The following RNF214 variants were observed in gnomAD, a reference collection of about 807,000 sequenced individuals.
RNF214 encodes the protein ring finger protein 214.
Under a neutral mutation model 75.9 loss-of-function variants are expected in RNF214, and 25 were observed. That is an observed-to-expected ratio of 0.33 (90% CI 0.24 to 0.46). RNF214 has a LOEUF of 0.46. Ranked by LOEUF, RNF214 falls within the 20% of genes least tolerant of loss-of-function variation. The pLI is 1.00. For synonymous variants in RNF214, 314 were observed against 308.8 expected (o/e 1.02, Z -0.18); for missense variants, 725 against 857.5 (o/e 0.85, Z 1.93).
At position 117,282,762 on chromosome 11, in the gene RNF214, G is replaced by A. The variant is rs770446837; in HGVS notation, c.1862G>A (p.Arg621Gln). ...TACCTACAGCCACTTGGTCGCATCCGGGCCTTGTTCCCTGCTCCACTGGCC... is the reference window on the plus strand; with the variant it reads ...TACCTACAGCCACTTGGTCGCATCCAGGCCTTGTTCCCTGCTCCACTGGCC... ...AASTQPLGRIRALFPAPLAQI... is the reference protein window; with the variant it reads ...AASTQPLGRIQALFPAPLAQI... The change falls in exon 13 of 15, where the codon CGG becomes CAG. Residue 621 changes from arginine (R) to glutamine (Q), a missense_variant. By Grantham distance (43) the Arg-to-Gln change is conservative. Around this residue, in one of 2 missense-constraint regions of RNF214, gnomAD observed 363 missense variants for 513.0 expected, o/e 0.71. Transcript: ENST00000300650. 26 of 1,613,844 alleles carry A rather than the reference G, an allele frequency of 1.6e-5. No homozygotes were observed. Among genetic ancestry groups the A allele is most frequent in the East Asian group, 4.5e-5 (2 of 44,894 alleles).
intron 1 of RNF214, among the ~76,000 whole-genome samples, chr11:117,233,396 A>G (rs1161163019): frequency 3.3e-5 from 5 of 152,098 alleles, no homozygotes; most frequent in Non-Finnish European, 5.9e-5. Context: ...CCATCTACCT[A>G]TCTGCCCTAT....
chr11:117,242,862 ATAATC>A (rs1247026514), intron 4 of RNF214, among the ~76,000 whole-genome samples: 1 of 152,192 alleles, frequency 6.6e-6, no homozygotes, highest in Non-Finnish European at 1.5e-5. Flanking sequence ...TCAGAAAAGA[ATAATC>A]TACTGGTTTC....
At chr11:117,276,325 C>A (rs1018724664) in intron 6 of RNF214, among the ~76,000 whole-genome samples, 1 of 152,184 alleles carries the variant, frequency 6.6e-6, no homozygotes, top group Non-Finnish European at 1.5e-5. Context: ...AGAACTGGAA[C>A]AAGGCCGGGC....
chr11:117,269,396 C>T (rs1370458328), intron 6 of RNF214, among the ~76,000 whole-genome samples: 1 of 152,200 alleles, frequency 6.6e-6, no homozygotes, highest in Non-Finnish European at 1.5e-5. Context: ...AGGTCTCACT[C>T]TGTCACCCAG....
At chr11:117,279,865 T>C in intron 6 of RNF214, 43 bp from the exon 7 acceptor site, 2 of 1,496,664 alleles carry the variant, frequency 1.3e-6, no homozygotes, top group African/African-American at 1.4e-5. Context: ...TCAACAAGCT[T>C]ATCTTTCTTC....
chr11:117,256,752 A>T (rs551617685), intron 6 of RNF214, among the ~76,000 whole-genome samples: 8 of 152,232 alleles, frequency 5.3e-5, no homozygotes, highest in African/African-American at 1.9e-4. Flanking sequence ...GAGTCACAGG[A>T]CTAACCCAGA....
intron 2 of RNF214, among the ~76,000 whole-genome samples, chr11:117,236,275 G>GT (rs199892766): frequency 1.0e-3 from 146 of 142,134 alleles, no homozygotes; most frequent in African/African-American, 3.2e-3. Flanking sequence ...CAATTTTTTT[G>GT]TTTTTTTTTT....
chr11:117,252,678 G>A (rs534408284), intron 6 of RNF214, among the ~76,000 whole-genome samples: 9 of 151,968 alleles, frequency 5.9e-5, no homozygotes, highest in South Asian at 4.2e-4. Flanking sequence ...CTGCCACCAC[G>A]CCCAGCTCAT....
chr11:117,251,180 A>C (rs1367459530), intron 6 of RNF214, among the ~76,000 whole-genome samples: 21 of 143,334 alleles, frequency 1.5e-4, no homozygotes, highest in Non-Finnish European at 2.4e-4. Context: ...CTCACTTCCC[A>C]GTAGGGGCGG....
intron 6 of RNF214, among the ~76,000 whole-genome samples, chr11:117,262,113 A>C (rs1555055912): frequency 6.9e-6 from 1 of 144,506 alleles, no homozygotes; most frequent in African/African-American, 2.6e-5. Context: ...TCCGTCCCCC[A>C]GGCTGGAGTG....
intron 5 of RNF214, among the ~76,000 whole-genome samples, chr11:117,244,853 G>A (rs1051396556): frequency 6.6e-6 from 1 of 151,704 alleles, no homozygotes; most frequent in African/African-American, 2.4e-5. Context: ...TTTTGGTAGA[G>A]ACGGGGTTTT....
At chr11:117,282,674 A>T (rs866304512) in intron 12 of RNF214, 72 bp from the exon 13 acceptor site, 2 of 1,553,496 alleles carry the variant, frequency 1.3e-6, no homozygotes, top group Admixed American at 3.4e-5. Context: ...GGACTGGGAA[A>T]TAAGTGATTT....
At chr11:117,262,914 C>A (rs1195753610) in intron 6 of RNF214, among the ~76,000 whole-genome samples, 3 of 152,102 alleles carry the variant, frequency 2.0e-5, no homozygotes, top group Admixed American at 6.6e-5. Flanking sequence ...TCACACAATT[C>A]TCCCACCTCA....
Position 117,284,999 on chromosome 11 carries a change from A to G in RNF214, c.2047-87A>G, listed in dbSNP as rs1407354339. The G allele has an allele frequency of 4.3e-6, 4 of 930,988 alleles. No homozygotes were observed. The East Asian group carries it at 9.6e-5, about 22-fold the overall frequency. 57.7% of individuals were successfully genotyped at this position (930,988 alleles called of 1,614,324 possible). A position where few individuals can be genotyped will look rare whatever the true frequency, so the allele number is the denominator to read the frequency against. On this transcript the variant is annotated intron_variant, in intron 14 of 14. Coordinates refer to ENST00000300650, the MANE Select transcript of RNF214 (RefSeq NM_207343.4). ...CTCAGTGTAAGAACTTTTCTGACTT[A>G]GGCCTTGTTGAACCTTATTGGCATT...
At chr11:117,269,049 C>T (rs911981953) in intron 6 of RNF214, among the ~76,000 whole-genome samples, 7 of 152,130 alleles carry the variant, frequency 4.6e-5, no homozygotes, top group African/African-American at 1.7e-4. Flanking sequence ...TATATACCTA[C>T]CCTTCTTTAA....
intron 13 of RNF214, 109 bp from the exon 14 acceptor site, chr11:117,283,006 T>G: frequency 1.0e-6 from 1 of 1,004,530 alleles, no homozygotes; most frequent in Non-Finnish European, 1.5e-6. Context: ...TATATTTGGA[T>G]TTTTGTTTCT....
Position 117,239,034 on chromosome 11 carries a change from G to A in RNF214, c.541G>A (p.Val181Ile). The A allele has an allele frequency of 6.2e-7, 1 of 1,614,122 alleles. No homozygotes were observed. Residue 181 changes from valine to isoleucine, a missense_variant, in exon 3 of 15, where the codon GTT (valine) becomes ATT (isoleucine). Transcript: ENST00000300650. ...ACCTGTAGTGTCTCCAGCAAATGGG[G>A]TTGAAGGAGTCCGAGTGGATCAGGA... ...FRPVVSPANG[V>I]EGVRVDQDDD... is the part of the protein sequence containing the mutation.
rs144999472 is a variant in RNF214, at chr11:117,279,360, C to G, written c.960-548C>G. On this transcript the variant is annotated intron_variant, in intron 6 of 14. Transcript: ENST00000300650. ...TTTTTTTTTTTTTTTGAGACAGAGT[C>G]TCGCTTTGTAGCCTAGGCTGGAGTG... Among the ~76,000 whole-genome samples the G allele has an allele frequency of 4.7e-3, 552 of 117,202 alleles. 28 individuals carry two copies. The East Asian group carries it at 0.12, about 25-fold the overall frequency. 76.9% of individuals were successfully genotyped at this position (117,202 alleles called of 152,430 possible). A position where few individuals can be genotyped will look rare whatever the true frequency, so the allele number is the denominator to read the frequency against.
chr11:117,246,736 A>G (rs2033235590), intron 5 of RNF214, 73 bp from the exon 6 acceptor site: 8 of 1,392,812 alleles, frequency 5.7e-6, no homozygotes, highest in Non-Finnish European at 6.7e-6. Flanking sequence ...ATAGTTGAAA[A>G]TAACCTTTGC....
Sources: allele counts gnomAD v4.1 joint callset (sites outside exome capture counted in the v4.1 genomes callset), GRCh38; gene constraint gnomAD v4.1.1; regional missense constraint gnomAD v4.1.1; transcripts MANE v1.5; gene names NCBI Gene and HGNC (gene_info 2026-07-23, HGNC 2026-07-21).